ARHGAP23: variants seen among roughly 807,000 people sequenced by gnomAD.
ARHGAP23 encodes the protein rho GTPase-activating protein 23.
Under a neutral mutation model 136.3 loss-of-function variants are expected in ARHGAP23, and 34 were observed. The ratio of observed to expected loss-of-function variants is 0.25; its 90% confidence interval spans 0.19 to 0.33. The LOEUF is 0.33. Among genes scored for constraint, ARHGAP23 ranks in the 10% least tolerant of loss-of-function variants. ARHGAP23 has a pLI of 1.00. For missense variants in ARHGAP23, 1,808 were observed against 2,139.0 expected, an observed-to-expected ratio of 0.85 and a Z score of 3.05; for synonymous variants, 832 against 920.5, an observed-to-expected ratio of 0.90 and a Z score of 1.74.
At chr17:38,497,237 C>G (rs2040412645) in intron 20 of ARHGAP23, among the ~76,000 whole-genome samples, 1 of 152,286 alleles carries the variant, frequency 6.6e-6, no homozygotes, top group African/African-American at 2.4e-5. Context: ...TATGAGAAAG[C>G]TCTCGCCTCC....
In ARHGAP23 at chr17:38,510,953, G is replaced by A. The variant is rs1320768870; in HGVS notation, c.4457G>A (p.Arg1486His). ...CCCCCGCGCCGCTCGGCCGCCTCCC[G>A]CCTGCATCAGTGTCTGTGATCCCCA... ...SQPPRRSAAS[R>H]LHQCL The change falls in exon 24 of 24, where the codon CGC becomes CAC. Residue 1486 changes from arginine (R) to histidine (H), a missense_variant. Coordinates refer to ENST00000622683, the MANE Select transcript of ARHGAP23 (RefSeq NM_001199417.2). This position sits in a 1 kb window ranked among gnomAD's most constrained non-coding sequence, Gnocchi z 4.6. 1 of 1,456,592 alleles carries A rather than the reference G, an allele frequency of 6.9e-7. No homozygotes were observed. Among genetic ancestry groups the A allele is most frequent in the Non-Finnish European group, 9.0e-7 (1 of 1,116,518 alleles). The allele number at this position is 1,456,592 out of a possible 1,614,324, so 90.2% of individuals were successfully genotyped here.
chr17:38,458,112 G>C lies in ARHGAP23; in HGVS notation c.74G>C (p.Gly25Ala), dbSNP rs1399690832. ...CTCTGTCTCCCACAGCTGCCACTGG[G>C]CCCAAGAGATGGGTGCTCTCCTAGG... is the stretch of plus-strand genomic sequence containing the variant. ...PEPRPPQLPLGPRDGCSPRRP... is the reference protein window; with the variant it reads ...PEPRPPQLPLAPRDGCSPRRP... Residue 25 changes from glycine (G) to alanine (A), a missense_variant, in exon 2 of 24, where the codon GGC (glycine) becomes GCC (alanine). Around this residue, in one of 7 missense-constraint regions of ARHGAP23, gnomAD observed 859 missense variants for 936.4 expected, o/e 0.92. Transcript: ENST00000622683. 6.5e-7 allele frequency: 1 copy of C among 1,536,004 alleles called. No homozygotes were observed. The highest frequency in any genetic ancestry group is 8.7e-7 in the Non-Finnish European group (1 of 1,146,920).
At chr17:38,496,924 G>A (rs1262298631) in intron 20 of ARHGAP23, among the ~76,000 whole-genome samples, 1 of 150,000 alleles carries the variant, frequency 6.7e-6, no homozygotes, top group Non-Finnish European at 1.5e-5. Context: ...CTGCACTCCA[G>A]CCTGGGTGAC....
chr17:38,494,900 G>A (rs1440586901), intron 20 of ARHGAP23, among the ~76,000 whole-genome samples: 3 of 152,170 alleles, frequency 2.0e-5, no homozygotes, highest in Non-Finnish European at 2.9e-5. Flanking sequence ...TCCTGTAGAC[G>A]CTGTGGCTTG....
rs774617968 is a variant in ARHGAP23 at position 38,482,133 on chromosome 17, C to T, written c.2741C>T (p.Thr914Met). 3.0e-5 allele frequency: 47 copies of T among 1,548,340 alleles called. No individual in the cohort carries two copies. The highest frequency in any genetic ancestry group is 5.5e-5 in the African/African-American group (4 of 72,870). Residue 914 changes from threonine to methionine, a missense_variant, in exon 15 of 24, where the codon ACG (threonine) becomes ATG (methionine). By Grantham distance (81) the Thr-to-Met change is moderately conservative. Around this residue, in one of 7 missense-constraint regions of ARHGAP23, gnomAD observed 105 missense variants for 200.6 expected, o/e 0.52. Coordinates refer to ENST00000622683, the MANE Select transcript of ARHGAP23 (RefSeq NM_001199417.2). ...AGGCTGGAGGAGTGCCAGCCAGCCACGGAGAACCAGGTGAGTCTCTGCCAC... is the reference window on the plus strand; with the variant it reads ...AGGCTGGAGGAGTGCCAGCCAGCCATGGAGAACCAGGTGAGTCTCTGCCAC... The part of the protein sequence containing the change: ...GVRLEECQPA[T>M]ENQRVPLIVA...
At chr17:38,427,542 G>C (rs1401197453), upstream of ARHGAP23, among the ~76,000 whole-genome samples, 1 of 152,206 alleles carries the variant, frequency 6.6e-6, no homozygotes, top group Admixed American at 6.5e-5. Context: ...GGGTCCTTCT[G>C]GGGGACAAGG....
intron 10 of ARHGAP23, 146 bp downstream of exon 10, chr17:38,470,050 C>A (rs564169966): frequency 4.4e-5 from 47 of 1,075,294 alleles, no homozygotes; most frequent in Non-Finnish European, 6.3e-5. Flanking sequence ...ACCCTCGTGT[C>A]CACCGCGGGA....
intron 1 of ARHGAP23, among the ~76,000 whole-genome samples, chr17:38,433,905 G>A (rs541855140): frequency 2.2e-4 from 34 of 152,284 alleles, no homozygotes; most frequent in Admixed American, 4.6e-4. Flanking sequence ...GGTTGGCCCC[G>A]GGGTTGCGTC....
chr17:38,498,868 C>A, intron 22 of ARHGAP23: 1 of 697,834 alleles, frequency 1.4e-6, no homozygotes, highest in South Asian at 1.5e-5. Flanking sequence ...CCCGCCTCTC[C>A]CTCCTCTTCT....
At position 38,510,268 on chromosome 17, in the gene ARHGAP23, C is replaced by G; in HGVS notation, c.3772C>G (p.Arg1258Gly). 1 of 1,304,670 alleles carries G rather than the reference C, an allele frequency of 7.7e-7. No homozygotes were observed. The highest frequency in any genetic ancestry group is 9.7e-7 in the Non-Finnish European group (1 of 1,027,822). The allele number at this position is 1,304,670 out of a possible 1,614,324, so 80.8% of individuals were successfully genotyped here. The change falls in exon 24 of 24, where the codon CGC (arginine) becomes GGC (glycine). Residue 1258 changes from arginine (R) to glycine (G), a missense_variant. Arg to Gly is a moderately radical substitution (Grantham distance 125). This residue lies in a region of ARHGAP23 where 506 missense variants were observed against 455.8 expected (regional missense o/e 1.11). Coordinates refer to ENST00000622683, the MANE Select transcript of ARHGAP23 (RefSeq NM_001199417.2). The surrounding 1 kb of genome is among the most constrained non-coding windows in gnomAD (Gnocchi z 4.6). The part of the protein sequence containing the change: ...SGYSTLSTMD[R>G]SVCSGASGRR... ...CTACTCCACCCTGTCCACCATGGAC[C>G]GCAGCGTGTGCTCGGGCGCTAGCGG... is the stretch of plus-strand genomic sequence containing the variant.
chr17:38,480,174 C>A (rs2040001337), intron 14 of ARHGAP23, among the ~76,000 whole-genome samples: 1 of 152,090 alleles, frequency 6.6e-6, no homozygotes, highest in South Asian at 2.1e-4. Context: ...CCAAGAGCAA[C>A]CTTTCCCATT....
Position 38,510,775 on chromosome 17 carries a change from G to C in ARHGAP23, c.4279G>C (p.Gly1427Arg). ...CTTCAACGAGTGGAAGGAGCTGGGC[G>C]GAGGGGGCCCCCCGGAGCCTGCGGG... ...LNFNEWKELG[G>R]GGPPEPAGAR... Residue 1427 changes from glycine to arginine, a missense_variant, in exon 24 of 24, where the codon GGA (glycine) becomes CGA (arginine). By Grantham distance (125) the Gly-to-Arg change is moderately radical (BLOSUM62 -2). Around this residue, in one of 7 missense-constraint regions of ARHGAP23, gnomAD observed 506 missense variants for 455.8 expected, o/e 1.11. Transcript: ENST00000622683. This position sits in a 1 kb window ranked among gnomAD's most constrained non-coding sequence, Gnocchi z 4.6. 6.7e-7 allele frequency: 1 copy of C among 1,499,088 alleles called. No homozygotes were observed. The allele number at this position is 1,499,088 out of a possible 1,614,324, so 92.9% of individuals were successfully genotyped here. A position where few individuals can be genotyped will look rare whatever the true frequency, so the allele number is the denominator to read the frequency against.
chr17:38,448,212 A>G (rs9303307), intron 1 of ARHGAP23, among the ~76,000 whole-genome samples: 72,752 of 151,968 alleles, frequency 0.48, 19,302 homozygotes, highest in African/African-American at 0.72. Flanking sequence ...TAGGAACCTG[A>G]GGCTGGCAGT....
intron 6 of ARHGAP23, 27 bp downstream of exon 6, chr17:38,463,409 G>A (rs1011982852): frequency 7.1e-6 from 11 of 1,551,446 alleles, no homozygotes; most frequent in Non-Finnish European, 9.6e-6. Context: ...TGGCCTGAGA[G>A]GAGACCCCTG....
intron 18 of ARHGAP23, 59 bp from the exon 19 acceptor site, chr17:38,490,403 C>T (rs1237239702): frequency 1.1e-5 from 15 of 1,347,276 alleles, no homozygotes; most frequent in Admixed American, 7.9e-5. Flanking sequence ...ATGGTGATGA[C>T]GGGGGACAGG....
At chr17:38,453,256 T>A (rs1567786660) in intron 1 of ARHGAP23, among the ~76,000 whole-genome samples, 1 of 151,094 alleles carries the variant, frequency 6.6e-6, no homozygotes, top group Non-Finnish European at 1.5e-5. Flanking sequence ...GGGGGGATAG[T>A]GTGTTTCTGG....
At chr17:38,502,785 C>T (rs2040550651) in intron 23 of ARHGAP23, among the ~76,000 whole-genome samples, 1 of 152,238 alleles carries the variant, frequency 6.6e-6, no homozygotes, top group African/African-American at 2.4e-5. Flanking sequence ...TGGCTCACGC[C>T]TATAATCCCA....
chr17:38,485,236 A>G (rs2040134506), intron 16 of ARHGAP23, among the ~76,000 whole-genome samples: 1 of 152,162 alleles, frequency 6.6e-6, no homozygotes, highest in Admixed American at 6.5e-5. Flanking sequence ...ACTAGATGCA[A>G]GTGGCACCTC....
chr17:38,503,049 A>AAAAC lies in ARHGAP23; in HGVS notation c.3447+2441_3447+2444dup, dbSNP rs60346398. ...GGCAACAGAGCAAGATCCTATCTCA[A>AAAAC]AAACAAACAAACAAACAAACAAAAA... On this transcript the variant is annotated intron_variant, in intron 23 of 23. Coordinates refer to ENST00000622683, the MANE Select transcript of ARHGAP23 (RefSeq NM_001199417.2). Among the ~76,000 whole-genome samples the AAAAC allele has an allele frequency of 9.0e-3, 1,363 of 152,266 alleles. 20 individuals carry two copies. Among genetic ancestry groups the AAAAC allele is most frequent in the African/African-American group, 0.031 (1,269 of 41,536 alleles).
Sources: allele counts gnomAD v4.1 joint callset (sites outside exome capture counted in the v4.1 genomes callset), GRCh38; gene constraint gnomAD v4.1.1; regional missense constraint gnomAD v4.1.1; non-coding constraint Gnocchi (gnomAD v3.1); transcripts MANE v1.5; gene names NCBI Gene and HGNC (gene_info 2026-07-23, HGNC 2026-07-21).